The following LRRC49 variants were observed in gnomAD, a reference collection of about 807,000 sequenced individuals.
The protein encoded by LRRC49 is leucine rich repeat containing 49, also known as leucine-rich repeat-containing protein 49.
A neutral mutation model predicts 83.3 loss-of-function variants in LRRC49; 50 were observed. The observed-to-expected ratio is 0.60, with a 90% CI of 0.48 to 0.76. LRRC49 has a LOEUF of 0.76. LRRC49 is among the 30% of genes least tolerant of loss of function. The pLI, the probability that LRRC49 is intolerant of heterozygous loss-of-function variation, is 0.00. For synonymous variants in LRRC49, 286 were observed against 283.3 expected, an observed-to-expected ratio of 1.01 and a Z score of -0.10; for missense variants, 704 against 809.1, an observed-to-expected ratio of 0.87 and a Z score of 1.58.
At chr15:70,892,420 G>C (rs1460176198), upstream of LRRC49, 5 of 1,538,136 alleles carry the variant, frequency 3.3e-6, no homozygotes, top group Non-Finnish European at 4.4e-6. Context: ...TCTGGTCACC[G>C]GAAGTGGCGA....
intron 8 of LRRC49, among the ~76,000 whole-genome samples, chr15:70,949,217 A>G (rs1423669974): frequency 2.6e-5 from 4 of 152,206 alleles, no homozygotes; most frequent in Non-Finnish European, 4.4e-5. Flanking sequence ...CTTTCAGTTT[A>G]CATACAACAC....
intron 10 of LRRC49, among the ~76,000 whole-genome samples, chr15:70,982,546 A>C (rs1254744542): frequency 6.6e-6 from 1 of 152,198 alleles, no homozygotes; most frequent in Non-Finnish European, 1.5e-5. Flanking sequence ...ATACATATTA[A>C]ATATAACCCA....
intron 11 of LRRC49, among the ~76,000 whole-genome samples, chr15:70,995,199 A>G (rs955118780): frequency 6.6e-6 from 1 of 152,234 alleles, no homozygotes; most frequent in Non-Finnish European, 1.5e-5. Context: ...CGAGATTTTT[A>G]AAGAATTAAA....
intron 9 of LRRC49, among the ~76,000 whole-genome samples, chr15:70,978,877 C>T (rs1367659653): frequency 6.6e-6 from 1 of 152,124 alleles, no homozygotes; most frequent in Non-Finnish European, 1.5e-5. Context: ...GACTGATTCT[C>T]TCTTCAGCTG....
At chr15:70,973,570 A>T (rs1008794681) in intron 9 of LRRC49, among the ~76,000 whole-genome samples, 75 of 152,284 alleles carry the variant, frequency 4.9e-4, no homozygotes, top group African/African-American at 1.6e-3. Context: ...ATGTCTGCTG[A>T]AGCTGTGCCC....
intron 2 of LRRC49, among the ~76,000 whole-genome samples, chr15:70,884,412 C>T (rs540491101): frequency 3.9e-5 from 6 of 152,022 alleles, no homozygotes; most frequent in South Asian, 2.1e-4. Context: ...ATCAGCTATT[C>T]GGGAGGCTGA....
In LRRC49 at chr15:70,963,641, CTG is replaced by C. The variant is rs769908454; in HGVS notation, c.774-143_774-142del. On this transcript the variant is annotated intron_variant, in intron 8 of 15. Transcript: ENST00000260382. ...CACAAGATGTTAGCAATAGGGGAAA[CTG>C]GGTATGGGGTATAGGGGAACTCTGT... is the stretch of plus-strand genomic sequence containing the variant. 412 of 734,402 alleles carry C rather than the reference CTG, an allele frequency of 5.6e-4. 1 individual carries two copies. The highest frequency in any genetic ancestry group is 5.0e-3 in the Middle Eastern group (12 of 2,402). The allele number at this position is 734,402 out of a possible 1,614,324, so 45.5% of individuals were successfully genotyped here. A position where few individuals can be genotyped will look rare whatever the true frequency, so the allele number is the denominator to read the frequency against.
At chr15:70,875,654 GGTTTTTCATATT>G (rs1270888257) in intron 2 of LRRC49, among the ~76,000 whole-genome samples, 2 of 152,252 alleles carry the variant, frequency 1.3e-5, no homozygotes, top group Non-Finnish European at 2.9e-5. Flanking sequence ...CAGTGTTCTA[GGTTTTTCATATT>G]GTAATCTTCT....
At chr15:70,898,240 T>C in intron 3 of LRRC49, 2 of 586,018 alleles carry the variant, frequency 3.4e-6, no homozygotes, top group Non-Finnish European at 6.1e-6. Flanking sequence ...TTATACTTCT[T>C]AACACTTTGA....
chr15:70,853,993 C>A, intron 1 of LRRC49: 1 of 1,466,150 alleles, frequency 6.8e-7, no homozygotes, highest in Non-Finnish European at 9.1e-7. Flanking sequence ...CCTCCTCGTC[C>A]TCCAACTCGT....
chr15:70,893,721 T>G (rs932087017), intron 2 of LRRC49, 81 bp downstream of exon 2: 1 of 1,109,898 alleles, frequency 9.0e-7, no homozygotes, highest in African/African-American at 1.6e-5. Flanking sequence ...AAAGTGTAGA[T>G]AGATTCTAAA....
chr15:70,970,444 T>G (rs1053310124), intron 9 of LRRC49, among the ~76,000 whole-genome samples: 40 of 152,138 alleles, frequency 2.6e-4, no homozygotes, highest in African/African-American at 8.9e-4. Flanking sequence ...ATTTTCTTTT[T>G]TTGTTGTTGT....
intron 8 of LRRC49, among the ~76,000 whole-genome samples, chr15:70,954,913 C>T (rs887680894): frequency 2.0e-5 from 3 of 151,960 alleles, no homozygotes; most frequent in East Asian, 1.9e-4. Context: ...GGGCTGTGGG[C>T]GAAAGGCACT....
intron 8 of LRRC49, among the ~76,000 whole-genome samples, chr15:70,952,216 C>CT (rs1042825538): frequency 0.022 from 2,969 of 137,606 alleles, 35 homozygotes; most frequent in African/African-American, 0.03. Flanking sequence ...TGGCATGAAG[C>CT]TTTTTTTTTT....
chr15:70,935,995 A>C (rs997978735), intron 7 of LRRC49, among the ~76,000 whole-genome samples: 7 of 152,122 alleles, frequency 4.6e-5, no homozygotes, highest in African/African-American at 1.7e-4. Flanking sequence ...CAGAAGGTTT[A>C]TGTCTTTTCA....
chr15:70,954,488 G>A (rs1026906833), intron 8 of LRRC49, among the ~76,000 whole-genome samples: 1 of 152,144 alleles, frequency 6.6e-6, no homozygotes, highest in Non-Finnish European at 1.5e-5. Flanking sequence ...ATCATCTGGA[G>A]GTAAGAAGAC....
intron 14 of LRRC49, among the ~76,000 whole-genome samples, chr15:71,033,618 A>G (rs1004549027): frequency 6.6e-6 from 1 of 152,038 alleles, no homozygotes; most frequent in Non-Finnish European, 1.5e-5. Context: ...GGAGGCATCA[A>G]GCTACCTGAC....
chr15:71,006,112 T>C (rs2038449112), intron 11 of LRRC49, among the ~76,000 whole-genome samples: 1 of 152,198 alleles, frequency 6.6e-6, no homozygotes, highest in Non-Finnish European at 1.5e-5. Flanking sequence ...CAAATGGGCA[T>C]GTGATAGCTA....
At chr15:71,020,937 A>G (rs2038974176) in intron 14 of LRRC49, among the ~76,000 whole-genome samples, 1 of 152,236 alleles carries the variant, frequency 6.6e-6, no homozygotes, top group Non-Finnish European at 1.5e-5. Context: ...AACATTGACC[A>G]TATAAATTAG....
Sources: gnomAD v4.1 joint callset for allele counts (sites outside exome capture counted in the v4.1 genomes callset) on GRCh38, gnomAD v4.1.1 for gene constraint, MANE v1.5 for transcripts, NCBI Gene and HGNC (gene_info 2026-07-23, HGNC 2026-07-21) for gene names.